The following CEP162 variants were observed in gnomAD, a reference collection of about 807,000 sequenced individuals.
The protein encoded by CEP162 is centrosomal protein 162, also known as centrosomal protein of 162 kDa.
CEP162 carries 141 observed loss-of-function variants against 169.2 expected under a neutral mutation model. The ratio of observed to expected loss-of-function variants is 0.83; its 90% CI spans 0.73 to 0.96. CEP162 has a LOEUF of 0.96. CEP162 is among the 40% of genes least tolerant of loss of function. The pLI, the probability that CEP162 is intolerant of heterozygous loss-of-function variation, is 0.00. For missense variants in CEP162, 1,600 were observed against 1,587.2 expected, an observed-to-expected ratio of 1.01 and a Z score of -0.14; for synonymous variants, 540 against 526.4, an observed-to-expected ratio of 1.03 and a Z score of -0.35.
intron 3 of CEP162, among the ~76,000 whole-genome samples, chr6:84,216,697 GTATT>G (rs2099551686): frequency 6.6e-6 from 1 of 152,134 alleles, no homozygotes. Context: ...TAAAAAGAGA[GTATT>G]TATTTTAAGA....
chr6:84,214,258 G>C (rs1562092754), intron 5 of CEP162, among the ~76,000 whole-genome samples: 1 of 152,164 alleles, frequency 6.6e-6, no homozygotes, highest in African/African-American at 2.4e-5. Context: ...CAGCCTGGGC[G>C]ACAGAGCGAG....
Position 84,213,017 on chromosome 6 carries a change from C to G in CEP162, c.511G>C (p.Ala171Pro). 1.3e-6 allele frequency: 2 copies of G among 1,537,964 alleles called. No homozygotes were observed. The highest frequency in any genetic ancestry group is 3.4e-4 in the Middle Eastern group (2 of 5,904). ...TCGTCATCAGTTAGTTCTGCGTTGGCTTGATTACTGGAAAAAATATTTATT... is the reference window on the plus strand; with the variant it reads ...TCGTCATCAGTTAGTTCTGCGTTGGGTTGATTACTGGAAAAAATATTTATT... ...THFKALHSNQ[A>P]NAELTDDEHE... Residue 171 changes from alanine (A) to proline (P), a missense_variant, in exon 6 of 27, where the codon GCC (alanine) becomes CCC (proline). Ala to Pro is a conservative substitution (Grantham distance 27). Transcript: ENST00000403245.
chr6:84,127,158 CAATT>C (rs2099509275), intron 25 of CEP162, among the ~76,000 whole-genome samples: 3 of 152,040 alleles, frequency 2.0e-5, no homozygotes, highest in Admixed American at 1.3e-4. Flanking sequence ...CTTGGGAAAA[CAATT>C]AATTGTATCT....
At position 84,138,867 on chromosome 6, in the gene CEP162, C is replaced by T. The variant is rs114451430; in HGVS notation, c.3870+7820G>A. Among the ~76,000 whole-genome samples the T allele has an allele frequency of 6.3e-3, 955 of 152,314 alleles. 4 individuals are homozygous for T. Among genetic ancestry groups the T allele is most frequent in the African/African-American group, 0.022 (919 of 41,566 alleles). On this transcript the variant is annotated intron_variant, in intron 25 of 26. Transcript: ENST00000403245. ...CAAAGTTTTATGTACATCTTAAACA[C>T]TGAAAAGAATGCACAATGCTGAACT...
intron 14 of CEP162, 76 bp downstream of exon 14, chr6:84,175,138 A>T: frequency 9.6e-7 from 1 of 1,038,530 alleles, no homozygotes; most frequent in Non-Finnish European, 1.4e-6. Context: ...TCCTTATTAT[A>T]TTTTGTTATA....
intron 6 of CEP162, among the ~76,000 whole-genome samples, chr6:84,205,790 G>C (rs1038172600): frequency 2.0e-5 from 3 of 151,672 alleles, no homozygotes; most frequent in Non-Finnish European, 2.9e-5. Flanking sequence ...GTCCCTGTTT[G>C]CAGATGACAT....
intron 17 of CEP162, among the ~76,000 whole-genome samples, chr6:84,170,366 T>A (rs2099529556): frequency 1.0e-5 from 1 of 96,172 alleles, no homozygotes; most frequent in Non-Finnish European, 1.8e-5. Flanking sequence ...AGAGCGAGAC[T>A]CCGTCTCAAA....
rs980501892 is a variant in CEP162 at position 84,186,755 on chromosome 6, G to T, written c.1110-132C>A. The T allele has an allele frequency of 1.4e-4, 98 of 705,768 alleles. No homozygotes were observed. The African/African-American group carries it at 1.7e-3, about 12-fold the overall frequency. The allele number at this position is 705,768 out of a possible 1,614,324, so 43.7% of individuals were successfully genotyped here. ...TGTTAACTATTCAAATTAAGTTAATGATGTTAAATACAGTATAATTTTGAT... is the reference window on the plus strand; with the variant it reads ...TGTTAACTATTCAAATTAAGTTAATTATGTTAAATACAGTATAATTTTGAT... On this transcript the variant is annotated intron_variant, in intron 11 of 26. Coordinates refer to ENST00000403245, the MANE Select transcript of CEP162 (RefSeq NM_014895.4).
At chr6:84,201,536 TAAGAAA>T (rs2099544519) in intron 8 of CEP162, among the ~76,000 whole-genome samples, 195 bp downstream of exon 8, 1 of 151,988 alleles carries the variant, frequency 6.6e-6, no homozygotes, top group Non-Finnish European at 1.5e-5. Context: ...GCAAAGGGCA[TAAGAAA>T]AATAACAAAA....
chr6:84,139,117 A>T (rs922554179), intron 25 of CEP162, among the ~76,000 whole-genome samples: 3 of 152,230 alleles, frequency 2.0e-5, no homozygotes, highest in Non-Finnish European at 2.9e-5. Flanking sequence ...CAAATGGAAG[A>T]AAAGCTCTCT....
chr6:84,130,303 C>T, intron 25 of CEP162, among the ~76,000 whole-genome samples: 1 of 152,072 alleles, frequency 6.6e-6, no homozygotes, highest in African/African-American at 2.4e-5. Flanking sequence ...ATCAGGGATA[C>T]TGGCCTGAAA....
At chr6:84,146,859 A>G (rs1235253671) in intron 24 of CEP162, 74 bp from the exon 25 acceptor site, 22 of 764,566 alleles carry the variant, frequency 2.9e-5, no homozygotes, top group Non-Finnish European at 3.6e-5. Flanking sequence ...AAGAAAGCCA[A>G]CTCACAAAAG....
chr6:84,136,071 C>T (rs1310802513), intron 25 of CEP162, among the ~76,000 whole-genome samples: 3 of 152,114 alleles, frequency 2.0e-5, no homozygotes, highest in Admixed American at 6.6e-5. Context: ...GCAGCCATTC[C>T]TGCTTTCTTT....
rs77909265 is a variant in CEP162, at chr6:84,136,675, A to G, written c.3870+10012T>C. 6.3e-3 allele frequency among the ~76,000 whole-genome samples: 954 copies of G among 152,304 alleles called. 4 individuals are homozygous for G. Among genetic ancestry groups the G allele is most frequent in the African/African-American group, 0.022 (918 of 41,546 alleles). The stretch of plus-strand genomic sequence containing the variant: ...TTCACTGCTATATCTTAAGAAGCAA[A>G]TAACAGGGACTGACATCTGCTCACT... On this transcript the variant is annotated intron_variant, in intron 25 of 26. Coordinates refer to ENST00000403245, the MANE Select transcript of CEP162 (RefSeq NM_014895.4).
chr6:84,127,534 T>C (rs191636667), intron 25 of CEP162, among the ~76,000 whole-genome samples: 19 of 152,194 alleles, frequency 1.2e-4, no homozygotes, highest in Non-Finnish European at 2.5e-4. Context: ...TGAGTGTTGG[T>C]TGGGCATAAA....
intron 13 of CEP162, among the ~76,000 whole-genome samples, chr6:84,178,983 C>A (rs1029931819): frequency 6.6e-6 from 1 of 152,172 alleles, no homozygotes; most frequent in Non-Finnish European, 1.5e-5. Flanking sequence ...CTACAAAGGA[C>A]ATGAACTCAT....
At chr6:84,179,779 C>A (rs1485902174) in intron 13 of CEP162, among the ~76,000 whole-genome samples, 1 of 151,998 alleles carries the variant, frequency 6.6e-6, no homozygotes. Flanking sequence ...TACACCATCC[C>A]AAGACTAAAC....
chr6:84,133,333 G>C (rs2099512415), intron 25 of CEP162, among the ~76,000 whole-genome samples: 1 of 152,126 alleles, frequency 6.6e-6, no homozygotes, highest in African/African-American at 2.4e-5. Context: ...GAGGCAGTCT[G>C]TCTGTTCTCA....
intron 21 of CEP162, among the ~76,000 whole-genome samples, chr6:84,156,244 A>G (rs2129205122): frequency 6.6e-6 from 1 of 152,274 alleles, no homozygotes; most frequent in Non-Finnish European, 1.5e-5. Context: ...TGCTTTAAAG[A>G]TCTAAGACCT....
Sources: allele counts gnomAD v4.1 joint callset (sites outside exome capture counted in the v4.1 genomes callset), GRCh38; gene constraint gnomAD v4.1.1; transcripts MANE v1.5; gene names NCBI Gene and HGNC (gene_info 2026-07-23, HGNC 2026-07-21).